OPRM1: variants seen among roughly 807,000 people sequenced by gnomAD.
The protein encoded by OPRM1 is opioid receptor mu 1.
OPRM1 carries 27 observed loss-of-function variants against 31.8 expected under a neutral mutation model. The observed-to-expected ratio is 0.85, with a 90% CI of 0.63 to 1.17. OPRM1 has a LOEUF of 1.17. Among genes scored for constraint, OPRM1 ranks in the 50% most tolerant of loss-of-function variants. The pLI is 0.00. For synonymous variants in OPRM1, 196 were observed against 189.9 expected (o/e 1.03, Z -0.26); for missense variants, 536 against 511.1 (o/e 1.05, Z -0.47).
At chr6:154,214,085 C>G in intron 3 of OPRM1, 1 of 673,640 alleles carries the variant, frequency 1.5e-6, no homozygotes, top group East Asian at 2.7e-5. Context: ...CACATATTTT[C>G]AGATCATCTT....
At chr6:154,080,298 A>T (rs1232330970) in intron 1 of OPRM1, among the ~76,000 whole-genome samples, 1 of 152,256 alleles carries the variant, frequency 6.6e-6, no homozygotes, top group Non-Finnish European at 1.5e-5. Flanking sequence ...CAGCAAACTT[A>T]ACGCCTTCAA....
At chr6:154,170,003 G>A (rs12208947) in intron 3 of OPRM1, among the ~76,000 whole-genome samples, 23,166 of 152,122 alleles carry the variant, frequency 0.15, 2,051 homozygotes, top group East Asian at 0.41. Flanking sequence ...TGATGATACC[G>A]TTGGAGCCCT....
chr6:154,152,319 G>GA (rs1459199060), intron 3 of OPRM1, among the ~76,000 whole-genome samples: 7 of 41,064 alleles, frequency 1.7e-4, no homozygotes, highest in East Asian at 9.5e-4. Context: ...AAGAAAGAAA[G>GA]AAAGAAAGAA....
intron 3 of OPRM1, chr6:154,159,847 G>A (rs1798863476): frequency 6.2e-7 from 1 of 1,611,304 alleles, no homozygotes; most frequent in Admixed American, 1.7e-5. Context: ...ATTTTCAACA[G>A]AGGGAGAAGA....
At chr6:154,014,355 G>C (rs1009781739) in intron 1 of OPRM1, among the ~76,000 whole-genome samples, 3 of 152,000 alleles carry the variant, frequency 2.0e-5, no homozygotes, top group African/African-American at 7.2e-5. Flanking sequence ...ATGAGGGATG[G>C]AAAAACATAA....
intron 1 of OPRM1, among the ~76,000 whole-genome samples, chr6:154,041,424 T>C (rs1780037485): frequency 6.6e-6 from 1 of 152,222 alleles, no homozygotes; most frequent in Non-Finnish European, 1.5e-5. Flanking sequence ...ATAAAAGTTA[T>C]AATTAAAGGC....
chr6:154,065,608 C>T (rs908395673), intron 1 of OPRM1, among the ~76,000 whole-genome samples: 1 of 151,992 alleles, frequency 6.6e-6, no homozygotes, highest in Non-Finnish European at 1.5e-5. Flanking sequence ...TATATGTTGA[C>T]TTTGTATTCT....
At position 154,176,308 on chromosome 6, in the gene OPRM1, G is replaced by A. The variant is rs1168706177; in HGVS notation, c.1165-70385G>A. Among the ~76,000 whole-genome samples the A allele has an allele frequency of 3.3e-5, 5 of 152,146 alleles. No homozygotes were observed. In the East Asian group the frequency reaches 9.6e-4, roughly 29 times the overall value. On this transcript the variant is annotated intron_variant, in intron 3 of 3. Transcript: ENST00000337049. ...CACCACTCCCATTCAACATAGTAAT[G>A]GAAGTTCTGGCCAAAGCAATCAGAC...
At chr6:154,073,778 G>C (rs1787278974) in intron 1 of OPRM1, 1 of 152,374 alleles carries the variant, frequency 6.6e-6, no homozygotes, top group Admixed American at 6.5e-5. Context: ...CAAGGCATCT[G>C]GGTCACTTAA....
At chr6:154,160,102 A>G in intron 3 of OPRM1, 1 of 1,266,916 alleles carries the variant, frequency 7.9e-7, no homozygotes, top group Non-Finnish European at 1.1e-6. Flanking sequence ...TACATAAACC[A>G]TCTTTACCAA....
chr6:154,134,104 A>G (rs1469313687), downstream of OPRM1, among the ~76,000 whole-genome samples: 1 of 152,236 alleles, frequency 6.6e-6, no homozygotes, highest in African/African-American at 2.4e-5. Flanking sequence ...ATCTTTAAGA[A>G]CAGAAGTCAG....
intron 3 of OPRM1, among the ~76,000 whole-genome samples, chr6:154,100,080 ATTATATATTAT>A (rs1794441301): frequency 8.8e-6 from 1 of 113,340 alleles, no homozygotes; most frequent in South Asian, 3.2e-4. Context: ...TATATATCAT[ATTATATATTAT>A]CATATTATGA....
chr6:154,023,575 C>T (rs372135489), intron 1 of OPRM1, among the ~76,000 whole-genome samples: 3 of 152,070 alleles, frequency 2.0e-5, no homozygotes, highest in East Asian at 1.9e-4. Flanking sequence ...CAAGTACTTC[C>T]AGTACTATGT....
chr6:154,017,403 G>C (rs1778066775), intron 1 of OPRM1, among the ~76,000 whole-genome samples: 1 of 152,138 alleles, frequency 6.6e-6, no homozygotes, highest in Non-Finnish European at 1.5e-5. Context: ...GATGGACAGC[G>C]TCTCTTGTAG....
chr6:154,040,969 G>A (rs1056548236), intron 1 of OPRM1, among the ~76,000 whole-genome samples: 1 of 150,558 alleles, frequency 6.6e-6, no homozygotes, highest in African/African-American at 2.5e-5. Context: ...CTAATTCGAG[G>A]GTTTTTTTTT....
chr6:154,081,995 C>T (rs1185938251), intron 1 of OPRM1, among the ~76,000 whole-genome samples: 1 of 152,180 alleles, frequency 6.6e-6, no homozygotes, highest in African/African-American at 2.4e-5. Flanking sequence ...GGTCTGCTAT[C>T]ACCCCTCGTT....
At chr6:154,112,937 G>A (rs1165835630) in intron 3 of OPRM1, among the ~76,000 whole-genome samples, 6 of 152,068 alleles carry the variant, frequency 3.9e-5, no homozygotes, top group Admixed American at 2.6e-4. Context: ...CAGGATCCCC[G>A]ACCCAATTAA....
At chr6:154,036,801 T>G (rs1037206090), upstream of OPRM1, among the ~76,000 whole-genome samples, 2 of 151,940 alleles carry the variant, frequency 1.3e-5, no homozygotes, top group African/African-American at 4.8e-5. Flanking sequence ...TATAATGGCA[T>G]AAAATATATG....
chr6:154,162,272 G>T lies in OPRM1; in HGVS notation c.1164+70800G>T, dbSNP rs188687858. ...AGCAGTCTCACTGGTACACATGTTT[G>T]CTGTTATTTCTTGCATGTTAAAATT... On this transcript the variant is annotated intron_variant, in intron 3 of 3. Coordinates refer to the OPRM1 transcript ENST00000337049. 5.5e-4 allele frequency among the ~76,000 whole-genome samples: 84 copies of T among 152,280 alleles called. 1 individual carries two copies. In the East Asian group the frequency reaches 0.015, roughly 28 times the overall value.
Sources: allele counts gnomAD v4.1 joint callset (sites outside exome capture counted in the v4.1 genomes callset), GRCh38; gene constraint gnomAD v4.1.1; transcripts MANE v1.5; gene names NCBI Gene and HGNC (gene_info 2026-07-23, HGNC 2026-07-21).